Variants in FUOM observed in about 807,000 individuals in gnomAD.
FUOM encodes protein fucU homolog.
FUOM carries 19 observed loss-of-function variants against 18.3 expected under a neutral mutation model. The ratio of observed to expected loss-of-function variants is 1.04; its 90% CI spans 0.73 to 1.53. The LOEUF is 1.53. Ranked by LOEUF, FUOM falls within the 40% of genes most tolerant of loss-of-function variation. FUOM has a pLI of 0.00. For missense variants in FUOM, 210 were observed against 200.9 expected, an observed-to-expected ratio of 1.04 and a Z score of -0.27; for synonymous variants, 102 against 87.9, an observed-to-expected ratio of 1.16 and a Z score of -0.90.
At chr10:133,353,703 T>G (rs1373325882), downstream of FUOM, among the ~76,000 whole-genome samples, 2 of 152,170 alleles carry the variant, frequency 1.3e-5, no homozygotes, top group Non-Finnish European at 2.9e-5. Flanking sequence ...TACCCTGGCT[T>G]ATGGATGAGC....
intron 1 of FUOM, chr10:133,357,493 C>G: frequency 3.4e-6 from 2 of 584,912 alleles, no homozygotes; most frequent in East Asian, 5.8e-5. Flanking sequence ...AACAGCTGCC[C>G]GCGAGGCTGT....
Position 133,356,819 on chromosome 10 carries a change from G to A in FUOM, c.226-81C>T, listed in dbSNP as rs1403077791. 2.8e-6 allele frequency: 4 copies of A among 1,446,458 alleles called. No homozygotes were observed. In the African/African-American group the frequency reaches 4.2e-5, roughly 15 times the overall value. The allele number at this position is 1,446,458 out of a possible 1,614,324, so 89.6% of individuals were successfully genotyped here. On this transcript the variant is annotated intron_variant, in intron 3 of 5. Transcript: ENST00000278025. ...TGACCATTCGGGACTCCCCTGGTGA[G>A]GGTCAGGGCCCCTTTGGGGACACAT...
chr10:133,356,745 G>A lies in FUOM; in HGVS notation c.226-7C>T. On this transcript the variant is annotated splice_polypyrimidine_tract_variant and splice_region_variant and intron_variant, in intron 3 of 5. Coordinates refer to ENST00000278025, the MANE Select transcript of FUOM (RefSeq NM_001098483.3). ...CCAGCTCCATGACTGCAGCCTAGAG[G>A]GAGGGGTCAGCTCTGGGGCCCTGGG... 6.4e-7 allele frequency: 1 copy of A among 1,566,524 alleles called. No homozygotes were observed. The highest frequency in any genetic ancestry group is 8.7e-7 in the Non-Finnish European group (1 of 1,156,018).
chr10:133,355,068 G>T, downstream of FUOM: 1 of 425,164 alleles, frequency 2.4e-6, no homozygotes, highest in Non-Finnish European at 4.3e-6. Context: ...CCCACTCAAG[G>T]TTCGTCAAGG....
chr10:133,354,728 G>A (rs776639518), downstream of FUOM, among the ~76,000 whole-genome samples: 1 of 152,074 alleles, frequency 6.6e-6, no homozygotes, highest in African/African-American at 2.4e-5. Context: ...AAATGACCTC[G>A]TGTCCTTTAC....
At chr10:133,357,416 G>A in intron 1 of FUOM, 161 bp from the exon 2 acceptor site, 1 of 717,000 alleles carries the variant, frequency 1.4e-6, no homozygotes, top group Non-Finnish European at 2.5e-6. Context: ...AGTCAGATCC[G>A]CAGGGCTGGA....
Position 133,355,340 on chromosome 10 carries a change from C to G in FUOM, c.*30G>C, listed in dbSNP as rs573848181. 247 of 1,573,200 alleles carry G rather than the reference C, an allele frequency of 1.6e-4. 3 individuals are homozygous for G. In the South Asian group the frequency reaches 2.7e-3, roughly 17 times the overall value. On this transcript the variant is annotated 3_prime_UTR_variant, in exon 6 of 6. Coordinates refer to ENST00000278025, the MANE Select transcript of FUOM (RefSeq NM_001098483.3). The stretch of plus-strand genomic sequence containing the variant: ...CTGGAGCTCAGGGTGCCCCCAGTTC[C>G]TCTTCCGGCCCAGGTGGTCTTCACC...
intron 2 of FUOM, 34 bp from the exon 3 acceptor site, chr10:133,357,047 G>A: frequency 6.5e-7 from 1 of 1,542,740 alleles, no homozygotes; most frequent in Non-Finnish European, 8.8e-7. Flanking sequence ...TCAGTCTCCA[G>A]CCCGCCCGCC....
downstream of FUOM, among the ~76,000 whole-genome samples, chr10:133,353,259 C>T (rs1848711874): frequency 1.3e-5 from 2 of 152,180 alleles, no homozygotes; most frequent in Admixed American, 6.5e-5. Context: ...GCCCTCCTGA[C>T]GTTCTGTGCA....
Position 133,356,575 on chromosome 10 carries a change from C to T in FUOM, c.324+65G>A, listed in dbSNP as rs770917142. The T allele has an allele frequency of 3.8e-4, 490 of 1,292,934 alleles. 1 individual carries two copies. Among genetic ancestry groups the T allele is most frequent in the Non-Finnish European group, 5.0e-4 (476 of 958,576 alleles). 80.1% of individuals were successfully genotyped at this position (1,292,934 alleles called of 1,614,324 possible). A position where few individuals can be genotyped will look rare whatever the true frequency, so the allele number is the denominator to read the frequency against. ...GCTTGGGACCCTCTGTCTTTGGCTC[C>T]TCCTGAGCCTCCAGGAGACAGAGGG... On this transcript the variant is annotated intron_variant, in intron 4 of 5. Transcript: ENST00000278025.
At chr10:133,355,573 C>A in intron 5 of FUOM, 137 bp from the exon 6 acceptor site, 1 of 1,603,720 alleles carries the variant, frequency 6.2e-7, no homozygotes, top group South Asian at 1.1e-5. Context: ...GGCCCTGCCC[C>A]CCCGAAATTC....
chr10:133,357,237 A>G lies in FUOM; in HGVS notation c.104T>C (p.Phe35Ser). Residue 35 changes from phenylalanine (F) to serine (S), a missense_variant, in exon 2 of 6, where the codon TTC becomes TCC. By Grantham distance (155) the Phe-to-Ser change is radical. Coordinates refer to ENST00000278025, the MANE Select transcript of FUOM (RefSeq NM_001098483.3). ...GDEIVLADLN[F>S]PASSICQCGP... ...ACACTGGCAGATGGAGGAGGCCGGG[A>G]AGTTCAAGTCCGCAAGAACTAAACA... 1 of 1,581,510 alleles carries G rather than the reference A, an allele frequency of 6.3e-7. No homozygotes were observed. The highest frequency in any genetic ancestry group is 1.4e-5 in the African/African-American group (1 of 74,040).
chr10:133,356,824 A>G, intron 3 of FUOM, 86 bp from the exon 4 acceptor site: 1 of 1,447,692 alleles, frequency 6.9e-7, no homozygotes, highest in Non-Finnish European at 9.4e-7. Flanking sequence ...GGTGAGGGTC[A>G]GGGCCCCTTT....
At chr10:133,354,844 G>A (rs1330624650), downstream of FUOM, among the ~76,000 whole-genome samples, 1 of 152,150 alleles carries the variant, frequency 6.6e-6, no homozygotes, top group Non-Finnish European at 1.5e-5. Context: ...AGTTCCTCCC[G>A]AAGCGTCCAG....
chr10:133,353,064 C>G, downstream of FUOM, among the ~76,000 whole-genome samples: 1 of 152,204 alleles, frequency 6.6e-6, no homozygotes, highest in South Asian at 2.1e-4. Flanking sequence ...TGGGACCAGT[C>G]TCAGCTGAGA....
chr10:133,354,359 C>G (rs1043921029), downstream of FUOM, among the ~76,000 whole-genome samples: 1 of 152,196 alleles, frequency 6.6e-6, no homozygotes, highest in Non-Finnish European at 1.5e-5. Context: ...AGATTTGGAG[C>G]CACATCTCAG....
At chr10:133,355,937 C>T in intron 4 of FUOM, 126 bp from the exon 5 acceptor site, 1 of 819,082 alleles carries the variant, frequency 1.2e-6, no homozygotes, top group South Asian at 1.4e-5. Context: ...TTGGGCTCTC[C>T]CCCGGCAAGG....
Position 133,355,939 on chromosome 10 carries a change from C to G in FUOM, c.325-128G>C, listed in dbSNP as rs1487183717. 4 of 789,602 alleles carry G rather than the reference C, an allele frequency of 5.1e-6. No homozygotes were observed. The African/African-American group carries it at 5.1e-5, about 10-fold the overall frequency. The allele number at this position is 789,602 out of a possible 1,614,324, so 48.9% of individuals were successfully genotyped here. On this transcript the variant is annotated intron_variant, in intron 4 of 5. Transcript: ENST00000278025. ...GGGGTTCCATTTCTTGGGCTCTCCC[C>G]CGGCAAGGGCCCCACGGTCACTCAG...
downstream of FUOM, among the ~76,000 whole-genome samples, chr10:133,354,142 G>A (rs1848726984): frequency 2.0e-5 from 3 of 152,180 alleles, no homozygotes; most frequent in African/African-American, 4.8e-5. Flanking sequence ...GCGAGGGTGT[G>A]TGCAACCAGC....
Sources: gnomAD v4.1 joint callset for allele counts (sites outside exome capture counted in the v4.1 genomes callset) on GRCh38, gnomAD v4.1.1 for gene constraint, MANE v1.5 for transcripts, NCBI Gene and HGNC (gene_info 2026-07-23, HGNC 2026-07-21) for gene names.